IFIT1B: variants seen among roughly 807,000 people sequenced by gnomAD.
IFIT1B encodes interferon induced protein with tetratricopeptide repeats 1B.
A neutral mutation model predicts 2.5 loss-of-function variants in IFIT1B; 3 were observed. The ratio of observed to expected loss-of-function variants is 1.21; its 90% CI spans 0.55 to 3.14. The LOEUF is 3.14. Among genes scored for constraint, IFIT1B ranks in the 30% most tolerant of loss-of-function variants. The pLI is 0.03. For synonymous variants in IFIT1B, 196 were observed against 203.0 expected (o/e 0.97, Z 0.29); for missense variants, 545 against 556.5 (o/e 0.98, Z 0.21).
chr10:89,380,024 G>C (rs1844151089), intron 1 of IFIT1B, among the ~76,000 whole-genome samples: 1 of 149,424 alleles, frequency 6.7e-6, no homozygotes, highest in South Asian at 2.1e-4. Flanking sequence ...AACAGAGTGA[G>C]ACTCCGTCTC....
At position 89,383,756 on chromosome 10, in the gene IFIT1B, C is replaced by G; in HGVS notation, c.443C>G (p.Ala148Gly). 1 of 1,614,118 alleles carries G rather than the reference C, an allele frequency of 6.2e-7. No homozygotes were observed. The highest frequency in any genetic ancestry group is 1.3e-5 in the African/African-American group (1 of 75,018). Residue 148 changes from alanine (A) to glycine (G), a missense_variant, in exon 2 of 2, where the codon GCC (alanine) becomes GGC (glycine). Transcript: ENST00000371809. ...CPEVDCEEGW[A>G]LAKCGGKNYE... ...GAGGTGGACTGTGAGGAAGGATGGG[C>G]CTTGGCGAAGTGTGGTGGAAAGAAT...
At chr10:89,381,936 T>G (rs756924233) in intron 1 of IFIT1B, among the ~76,000 whole-genome samples, 1 of 151,886 alleles carries the variant, frequency 6.6e-6, no homozygotes, top group African/African-American at 2.4e-5. Context: ...CGCTGGCTAA[T>G]TTTTTGTATT....
Position 89,384,578 on chromosome 10 carries a change from TAG to T in IFIT1B, c.1269_1270del (p.Lys424IlefsTer3), listed in dbSNP as rs1273731238. 5 of 1,614,190 alleles carry T rather than the reference TAG, an allele frequency of 3.1e-6. No homozygotes were observed. The highest frequency in any genetic ancestry group is 4.2e-6 in the Non-Finnish European group (5 of 1,180,024). ...TCCAGGGAAAAACTTCTCAATGCTT[TAG>T]AGAAATTGGCTAAAAGATGTATTCA... is the stretch of plus-strand genomic sequence containing the variant. On this transcript the variant is annotated frameshift_variant, in exon 2 of 2. Coordinates refer to ENST00000371809, the MANE Select transcript of IFIT1B (RefSeq NM_001010987.2). LOFTEE classifies it low-confidence loss of function (END_TRUNC).
At chr10:89,378,247 C>A in intron 1 of IFIT1B, 107 bp downstream of exon 1, 1 of 1,127,918 alleles carries the variant, frequency 8.9e-7, no homozygotes, top group Non-Finnish European at 1.3e-6. Context: ...GGGAGCTGTC[C>A]CACTGGTGGT....
rs1346461235 is a variant in IFIT1B, at chr10:89,384,485, A to G, written c.1172A>G (p.His391Arg). The G allele has an allele frequency of 1.9e-6, 3 of 1,614,196 alleles. No individual in the cohort carries two copies. The highest frequency in any genetic ancestry group is 1.7e-5 in the Admixed American group (1 of 60,018). Residue 391 changes from histidine (H) to arginine (R), a missense_variant, in exon 2 of 2, where the codon CAT becomes CGT. Coordinates refer to ENST00000371809, the MANE Select transcript of IFIT1B (RefSeq NM_001010987.2). ...CACTACGGCCGTTTCCAAGAACATC[A>G]TGGGAAATCTCAAGATAAAGCAATT... ...HYHYGRFQEH[H>R]GKSQDKAITH...
chr10:89,384,102 A>G lies in IFIT1B; in HGVS notation c.789A>G (p.Arg263=), dbSNP rs763717028. The G allele has an allele frequency of 3.1e-6, 5 of 1,614,064 alleles. No homozygotes were observed. In the East Asian group the frequency reaches 8.9e-5, roughly 29 times the overall value. Residue 263 remains arginine (R), a synonymous_variant, in exon 2 of 2, where the codon AGA becomes AGG. Coordinates refer to ENST00000371809, the MANE Select transcript of IFIT1B (RefSeq NM_001010987.2). ...AATATGCAGCCAAGTTTTATCGAAG[A>G]AAAGGGTCTGTGGATAAAGCTCTTG... is the stretch of plus-strand genomic sequence containing the variant. ...VFQYAAKFYR[R]KGSVDKALEL...
At position 89,384,108 on chromosome 10, in the gene IFIT1B, G is replaced by A. The variant is rs751872884; in HGVS notation, c.795G>A (p.Gly265=). ...QYAAKFYRRK[G]SVDKALELLK... ...CAGCCAAGTTTTATCGAAGAAAAGG[G>A]TCTGTGGATAAAGCTCTTGAGCTCT... Residue 265 remains glycine (G), a synonymous_variant, in exon 2 of 2, where the codon GGG becomes GGA. Transcript: ENST00000371809. 3 of 1,614,178 alleles carry A rather than the reference G, an allele frequency of 1.9e-6. No homozygotes were observed. In the Admixed American group the frequency reaches 5.0e-5, roughly 27 times the overall value.
chr10:89,378,074 C>T lies in IFIT1B; in HGVS notation c.-62C>T. 8 of 1,592,978 alleles carry T rather than the reference C, an allele frequency of 5.0e-6. No homozygotes were observed. The South Asian group carries it at 8.9e-5, about 18-fold the overall frequency. On this transcript the variant is annotated 5_prime_UTR_variant, in exon 1 of 2. Transcript: ENST00000371809. ...AAGCCCTAGAACTCTGTGGATGAAC[C>T]TTGAAGGAGCCTCCAAGCCTGAACC...
Position 89,385,108 on chromosome 10 carries a change from C to T in IFIT1B, c.*370C>T, listed in dbSNP as rs1844201014. On this transcript the variant is annotated 3_prime_UTR_variant, in exon 2 of 2. Transcript: ENST00000371809. The stretch of plus-strand genomic sequence containing the variant: ...GCCTATGTAAGTGAAATCTTAACTT[C>T]CCCATTTTGGAATGCTGACTCCAGT... 5.9e-6 allele frequency: 1 copy of T among 170,106 alleles called. No homozygotes were observed. Among genetic ancestry groups the T allele is most frequent in the Admixed American group, 5.8e-5 (1 of 17,278 alleles). The allele number at this position is 170,106 out of a possible 1,614,324, so 10.5% of individuals were successfully genotyped here. A position where few individuals can be genotyped will look rare whatever the true frequency, so the allele number is the denominator to read the frequency against.
At position 89,383,535 on chromosome 10, in the gene IFIT1B, C is replaced by T. The variant is rs775016520; in HGVS notation, c.222C>T (p.Ser74=). ...GCCAGAATGAGGAAGCCCTGGTCAG[C>T]TTGAAAAAGGCTGAAGACTTAATTC... The part of the protein sequence containing the change: ...LKGQNEEALV[S]LKKAEDLIQK... The change falls in exon 2 of 2, where the codon AGC becomes AGT. Residue 74 remains serine (S), a synonymous_variant. Transcript: ENST00000371809. 3 of 1,614,048 alleles carry T rather than the reference C, an allele frequency of 1.9e-6. No homozygotes were observed. The highest frequency in any genetic ancestry group is 2.5e-6 in the Non-Finnish European group (3 of 1,180,038).
chr10:89,384,665 G>A lies in IFIT1B; in HGVS notation c.1352G>A (p.Gly451Glu), dbSNP rs376132564. ...SLLGLIHKLK[G>E]EVSDALLCYE... is the part of the protein sequence containing the mutation. ...CTTGGGCTTATCCACAAATTGAAAG[G>A]AGAAGTAAGTGATGCTTTGCTGTGC... Residue 451 changes from glycine to glutamate, a missense_variant, in exon 2 of 2, where the codon GGA becomes GAA. Gly to Glu is a moderately conservative substitution (Grantham distance 98, BLOSUM62 -2). Coordinates refer to ENST00000371809, the MANE Select transcript of IFIT1B (RefSeq NM_001010987.2). 3.8e-5 allele frequency: 61 copies of A among 1,614,090 alleles called. No individual in the cohort carries two copies. Among genetic ancestry groups the A allele is most frequent in the Non-Finnish European group, 4.7e-5 (55 of 1,180,038 alleles).
chr10:89,383,610 C>A lies in IFIT1B; in HGVS notation c.297C>A (p.Gly99=), dbSNP rs752871530. Reference sequence around the variant, plus strand: ...ATATTAGAAGTCTGGTGACCTGGGGCAACTTTGCCTGGGTGTATTACCACA... The same window carrying A: ...ATATTAGAAGTCTGGTGACCTGGGGAAACTTTGCCTGGGTGTATTACCACA... ...QADIRSLVTW[G]NFAWVYYHMG... Residue 99 remains glycine, a synonymous_variant, in exon 2 of 2, where the codon GGC becomes GGA. Transcript: ENST00000371809. 5 of 1,614,196 alleles carry A rather than the reference C, an allele frequency of 3.1e-6. No individual in the cohort carries two copies. Among genetic ancestry groups the A allele is most frequent in the Admixed American group, 1.7e-5 (1 of 60,022 alleles).
intron 1 of IFIT1B, among the ~76,000 whole-genome samples, chr10:89,382,874 G>A (rs1056713846): frequency 2.0e-5 from 3 of 152,196 alleles, no homozygotes; most frequent in Admixed American, 6.5e-5. Flanking sequence ...TGGGAGGAGA[G>A]AAAACCAAAA....
chr10:89,379,296 G>A (rs535038349), intron 1 of IFIT1B, among the ~76,000 whole-genome samples: 19 of 152,274 alleles, frequency 1.2e-4, no homozygotes, highest in Non-Finnish European at 2.5e-4. Flanking sequence ...AAATTCTCAG[G>A]CCCTACCCTA....
At chr10:89,381,661 T>C (rs766425518) in intron 1 of IFIT1B, among the ~76,000 whole-genome samples, 3 of 152,186 alleles carry the variant, frequency 2.0e-5, no homozygotes, top group Non-Finnish European at 4.4e-5. Context: ...GAGGGCTGTG[T>C]TGAGCTGCCA....
Position 89,384,408 on chromosome 10 carries a change from A to C in IFIT1B, c.1095A>C (p.Lys365Asn). Residue 365 changes from lysine to asparagine, a missense_variant, in exon 2 of 2, where the codon AAA becomes AAC. Physicochemically the swap from Lys to Asn is moderately conservative, Grantham distance 94. Coordinates refer to ENST00000371809, the MANE Select transcript of IFIT1B (RefSeq NM_001010987.2). ...GAAAGGCTGAGGAACATTTTCAGAA[A>C]GGGTTACGCATGAAGATCTTTGAAG... is the stretch of plus-strand genomic sequence containing the variant. ...HHRKAEEHFQ[K>N]GLRMKIFEDQ... 1 of 1,614,186 alleles carries C rather than the reference A, an allele frequency of 6.2e-7. No individual in the cohort carries two copies. Among genetic ancestry groups the C allele is most frequent in the Non-Finnish European group, 8.5e-7 (1 of 1,180,030 alleles).
At position 89,381,220 on chromosome 10, in the gene IFIT1B, T is replaced by G. The variant is rs1340380763; in HGVS notation, c.6-2099T>G. Among the ~76,000 whole-genome samples, 5 of 152,182 alleles carry G rather than the reference T, an allele frequency of 3.3e-5. No individual in the cohort carries two copies. The South Asian group carries it at 8.3e-4, about 25-fold the overall frequency. On this transcript the variant is annotated intron_variant, in intron 1 of 1. Transcript: ENST00000371809. ...TAGAGTAATGGAAGTCTGTGTGGAT[T>G]ATTTTCCCTGGGTAGTGTCTGTTCT...
intron 1 of IFIT1B, among the ~76,000 whole-genome samples, chr10:89,378,547 C>T (rs2133601234): frequency 6.6e-6 from 1 of 152,264 alleles, no homozygotes. Context: ...AAGCAGAGCA[C>T]AGTGGGAGCT....
rs765455431 is a variant in IFIT1B at position 89,384,346 on chromosome 10, G to A, written c.1033G>A (p.Asp345Asn). Residue 345 changes from aspartate (D) to asparagine (N), a missense_variant, in exon 2 of 2, where the codon GAC becomes AAC. Coordinates refer to ENST00000371809, the MANE Select transcript of IFIT1B (RefSeq NM_001010987.2). Reference protein sequence around the residue: ...LKRTFEMAYVDLAETYAEIGH... With the variant: ...LKRTFEMAYVNLAETYAEIGH... The stretch of plus-strand genomic sequence containing the variant: ...GCGAACATTTGAGATGGCCTATGTT[G>A]ACCTGGCTGAAACGTATGCAGAAAT... 2.0e-5 allele frequency: 32 copies of A among 1,614,046 alleles called. No individual in the cohort carries two copies. The highest frequency in any genetic ancestry group is 2.6e-5 in the Non-Finnish European group (31 of 1,180,028).
Sources: gnomAD v4.1 joint callset for allele counts (sites outside exome capture counted in the v4.1 genomes callset) on GRCh38, gnomAD v4.1.1 for gene constraint, MANE v1.5 for transcripts, NCBI Gene and HGNC (gene_info 2026-07-23, HGNC 2026-07-21) for gene names.